Variants in FEZ2 observed in about 807,000 individuals in gnomAD.
FEZ2 encodes the protein fasciculation and elongation protein zeta-2.
FEZ2 carries 51 observed loss-of-function variants against 40.4 expected under a neutral mutation model. That is an observed-to-expected ratio of 1.26 (90% confidence interval 1.01 to 1.59). The LOEUF is 1.59. Ranked by LOEUF, FEZ2 falls within the 40% of genes most tolerant of loss-of-function variation. FEZ2 has a pLI of 0.00. For synonymous variants in FEZ2, 242 were observed against 172.0 expected, an observed-to-expected ratio of 1.41 and a Z score of -3.18; for missense variants, 640 against 438.3, an observed-to-expected ratio of 1.46 and a Z score of -4.11.
intron 4 of FEZ2, among the ~76,000 whole-genome samples, chr2:36,580,287 A>T (rs562624864): frequency 6.6e-6 from 1 of 152,338 alleles, no homozygotes; most frequent in South Asian, 2.1e-4. Context: ...GACCATCTGA[A>T]AGAATTTGGT....
At chr2:36,585,865 AAAAT>A (rs1480520098) in intron 2 of FEZ2, among the ~76,000 whole-genome samples, 3 of 152,226 alleles carry the variant, frequency 2.0e-5, no homozygotes, top group Non-Finnish European at 2.9e-5. Context: ...CTCTGGGTAG[AAAAT>A]AAATAAAGTC....
chr2:36,576,646 T>A (rs1668579355), intron 5 of FEZ2, among the ~76,000 whole-genome samples: 1 of 152,224 alleles, frequency 6.6e-6, no homozygotes, highest in African/African-American at 2.4e-5. Flanking sequence ...TGATTAAAAT[T>A]TTTGACACAA....
intron 1 of FEZ2, among the ~76,000 whole-genome samples, chr2:36,592,706 T>G (rs1669105864): frequency 6.6e-6 from 1 of 151,594 alleles, no homozygotes; most frequent in South Asian, 2.1e-4. Flanking sequence ...CCCAGCTACT[T>G]TTGGAGGGTA....
At chr2:36,586,181 C>T (rs530436919) in intron 2 of FEZ2, among the ~76,000 whole-genome samples, 4 of 152,110 alleles carry the variant, frequency 2.6e-5, no homozygotes, top group African/African-American at 4.8e-5. Context: ...AAAGGCATGT[C>T]GATACCATGG....
At chr2:36,564,387 C>T (rs1393434359) in intron 5 of FEZ2, among the ~76,000 whole-genome samples, 1 of 152,130 alleles carries the variant, frequency 6.6e-6, no homozygotes, top group Non-Finnish European at 1.5e-5. Context: ...TTATTCTCCT[C>T]GTTCATTCAT....
intron 7 of FEZ2, chr2:36,554,406 G>A (rs995923410): frequency 9.4e-6 from 4 of 426,492 alleles, no homozygotes; most frequent in African/African-American, 4.2e-5. Context: ...CCTCATAGAG[G>A]CCTAGGAACC....
intron 1 of FEZ2, chr2:36,594,511 G>A (rs543812010): frequency 6.8e-5 from 13 of 192,202 alleles, no homozygotes; most frequent in Admixed American, 2.3e-4. Flanking sequence ...GAGCAAAAGC[G>A]GAAACCCCTG....
chr2:36,586,716 G>C (rs534912028), intron 2 of FEZ2, among the ~76,000 whole-genome samples: 2 of 152,042 alleles, frequency 1.3e-5, no homozygotes, highest in Non-Finnish European at 2.9e-5. Context: ...CAAGGTGGGA[G>C]GATCTCCTGA....
At chr2:36,585,410 G>C (rs939156004) in intron 2 of FEZ2, among the ~76,000 whole-genome samples, 2 of 152,110 alleles carry the variant, frequency 1.3e-5, no homozygotes, top group South Asian at 2.1e-4. Flanking sequence ...TGATAGTAAA[G>C]TGAAAATCCC....
chr2:36,552,790 A>T lies in FEZ2; in HGVS notation c.*373T>A, dbSNP rs1252774549. 1 of 215,622 alleles carries T rather than the reference A, an allele frequency of 4.6e-6. No individual in the cohort carries two copies. Among genetic ancestry groups the T allele is most frequent in the African/African-American group, 2.3e-5 (1 of 43,028 alleles). The allele number at this position is 215,622 out of a possible 1,614,324, so 13.4% of individuals were successfully genotyped here. ...CTTGCCATCACTGAATTTATAGTAT[A>T]AATCTCCCAAGGCTTTAATCTAGTT... On this transcript the variant is annotated 3_prime_UTR_variant, in exon 8 of 8. Transcript: ENST00000405912.
chr2:36,568,335 T>C (rs973513078), intron 5 of FEZ2, among the ~76,000 whole-genome samples: 3 of 152,144 alleles, frequency 2.0e-5, no homozygotes, highest in Non-Finnish European at 4.4e-5. Flanking sequence ...CATTAAAGAT[T>C]TGTTACTAAA....
chr2:36,594,478 G>T (rs1029802932), intron 1 of FEZ2: 3 of 199,052 alleles, frequency 1.5e-5, no homozygotes, highest in Non-Finnish European at 3.0e-5. Flanking sequence ...CTTACATGGC[G>T]GCAGCAAGGG....
At chr2:36,572,286 TG>T (rs1668441488) in intron 5 of FEZ2, among the ~76,000 whole-genome samples, 1 of 152,042 alleles carries the variant, frequency 6.6e-6, no homozygotes, top group Non-Finnish European at 1.5e-5. Context: ...CTGGCCAAGG[TG>T]TCACTATCAC....
Position 36,597,893 on chromosome 2 carries a change from G to A in FEZ2, c.250C>T (p.Leu84Phe). ...TAVRPITERS[L>F]LQGDEIWNAL... ...CGCACTCACTCGTCCCCCTGCAGGA[G>A]GCTGCGCTCCGTGATGGGCCGCACG... The change falls in exon 1 of 8, where the codon CTC becomes TTC. Residue 84 changes from leucine (L) to phenylalanine (F), a missense_variant. Coordinates refer to ENST00000405912, the MANE Select transcript of FEZ2 (RefSeq NM_005102.3). 2 of 1,391,566 alleles carry A rather than the reference G, an allele frequency of 1.4e-6. No individual in the cohort carries two copies. Among genetic ancestry groups the A allele is most frequent in the Non-Finnish European group, 1.9e-6 (2 of 1,080,340 alleles). 86.2% of individuals were successfully genotyped at this position (1,391,566 alleles called of 1,614,324 possible).
rs1219990658 is a variant in FEZ2 at position 36,598,143 on chromosome 2, C to A, written c.-1G>T. ...CCTGCCAGTCCCCGTCCGCCGCCATCGCCGCCCGGAGCAGTCGCGCGCCCC... is the reference window on the plus strand; with the variant it reads ...CCTGCCAGTCCCCGTCCGCCGCCATAGCCGCCCGGAGCAGTCGCGCGCCCC... On this transcript the variant is annotated 5_prime_UTR_variant, in exon 1 of 8. Coordinates refer to ENST00000405912, the MANE Select transcript of FEZ2 (RefSeq NM_005102.3). 3.4e-6 allele frequency: 5 copies of A among 1,473,542 alleles called. No homozygotes were observed. The highest frequency in any genetic ancestry group is 2.3e-5 in the Admixed American group (1 of 42,734). The allele number at this position is 1,473,542 out of a possible 1,614,324, so 91.3% of individuals were successfully genotyped here. A position where few individuals can be genotyped will look rare whatever the true frequency, so the allele number is the denominator to read the frequency against.
intron 5 of FEZ2, among the ~76,000 whole-genome samples, chr2:36,574,197 C>A (rs530077342): frequency 6.6e-6 from 1 of 152,232 alleles, no homozygotes; most frequent in South Asian, 2.1e-4. Flanking sequence ...CATTTAATCT[C>A]TCCAAAATTC....
intron 5 of FEZ2, among the ~76,000 whole-genome samples, chr2:36,576,630 C>T (rs551582844): frequency 8.5e-5 from 13 of 152,326 alleles, no homozygotes; most frequent in African/African-American, 2.6e-4. Context: ...CGTGCCATTA[C>T]TGAACTGATT....
chr2:36,579,371 A>G (rs1338920867), intron 4 of FEZ2, among the ~76,000 whole-genome samples: 1 of 152,182 alleles, frequency 6.6e-6, no homozygotes, highest in Non-Finnish European at 1.5e-5. Flanking sequence ...AATTGGTGAT[A>G]TGGTTTGTAT....
chr2:36,566,768 T>C (rs1668252197), intron 5 of FEZ2, among the ~76,000 whole-genome samples: 1 of 152,226 alleles, frequency 6.6e-6, no homozygotes, highest in East Asian at 1.9e-4. Flanking sequence ...TTGCCACTAA[T>C]TGTGTGACAG....
Sources: gnomAD v4.1 joint callset for allele counts (sites outside exome capture counted in the v4.1 genomes callset) on GRCh38, gnomAD v4.1.1 for gene constraint, MANE v1.5 for transcripts, NCBI Gene and HGNC (gene_info 2026-07-23, HGNC 2026-07-21) for gene names.